TNIK: variants seen among roughly 807,000 people sequenced by gnomAD.
The protein encoded by TNIK is TRAF2 and NCK interacting kinase, also known as TRAF2 and NCK-interacting protein kinase.
TNIK carries 49 observed loss-of-function variants against 191.3 expected under a neutral mutation model. That is an observed-to-expected ratio of 0.26 (90% CI 0.20 to 0.32). The LOEUF is 0.32. Ranked by LOEUF, TNIK falls within the 10% of genes least tolerant of loss-of-function variation. The pLI is 1.00. For synonymous variants in TNIK, 594 were observed against 600.9 expected (o/e 0.99, Z 0.17); for missense variants, 1,155 against 1,702.3 (o/e 0.68, Z 5.66).
intron 1 of TNIK, among the ~76,000 whole-genome samples, chr3:171,438,809 C>T (rs373835196): frequency 1.3e-5 from 2 of 152,052 alleles, no homozygotes; most frequent in African/African-American, 4.8e-5. Context: ...GGTTTCCAGC[C>T]CTGTCCAACC....
chr3:171,253,598 C>A (rs35167769), intron 2 of TNIK, among the ~76,000 whole-genome samples: 8 of 140,388 alleles, frequency 5.7e-5, no homozygotes, highest in South Asian at 2.7e-4. Context: ...GTCCCCCCCC[C>A]ACCCCACCCC....
intron 9 of TNIK, among the ~76,000 whole-genome samples, chr3:171,168,672 G>T (rs1174520033): frequency 6.6e-6 from 1 of 152,076 alleles, no homozygotes. Context: ...GCTTGGGGTT[G>T]CCCCAGGATG....
chr3:171,307,630 G>A lies in TNIK; in HGVS notation c.123+61990C>T, dbSNP rs114162924. ...ATTCAGCCTTCATTTTCAAAACTGC[G>A]TATAAGCCTATTTATCCTGGAAAAA... On this transcript the variant is annotated intron_variant, in intron 2 of 32. Coordinates refer to ENST00000436636, the MANE Select transcript of TNIK (RefSeq NM_015028.4). Among the ~76,000 whole-genome samples, 943 of 152,130 alleles carry A rather than the reference G, an allele frequency of 6.2e-3. 18 individuals carry two copies. Among genetic ancestry groups the A allele is most frequent in the African/African-American group, 0.021 (891 of 41,524 alleles).
At chr3:171,388,556 C>T (rs191125191) in intron 1 of TNIK, among the ~76,000 whole-genome samples, 1 of 152,304 alleles carries the variant, frequency 6.6e-6, no homozygotes, top group Non-Finnish European at 1.5e-5. Flanking sequence ...TGGGGATGAA[C>T]TGTGTCTCCC....
chr3:171,101,040 T>C (rs1576805511), intron 22 of TNIK, among the ~76,000 whole-genome samples: 1 of 152,000 alleles, frequency 6.6e-6, no homozygotes, highest in African/African-American at 2.4e-5. Context: ...GTGGCAGTGG[T>C]GGTAATGAAA....
chr3:171,278,552 G>C (rs1206248242), intron 2 of TNIK, among the ~76,000 whole-genome samples: 1 of 152,080 alleles, frequency 6.6e-6, no homozygotes, highest in Non-Finnish European at 1.5e-5. Context: ...CCATGACCTT[G>C]GTCTTTCTCA....
rs140952028 is a variant in TNIK, at chr3:171,451,939, CT to C, written c.57+8067del. Among the ~76,000 whole-genome samples the C allele has an allele frequency of 4.1e-3, 630 of 152,310 alleles. 6 individuals carry two copies. The highest frequency in any genetic ancestry group is 0.014 in the African/African-American group (598 of 41,566). On this transcript the variant is annotated intron_variant, in intron 1 of 32. Coordinates refer to ENST00000436636, the MANE Select transcript of TNIK (RefSeq NM_015028.4). ...ATTTACCCTGCACCCAAACTTGCAC[CT>C]TCTAATACACTAATCAAACAAATGT...
intron 1 of TNIK, among the ~76,000 whole-genome samples, chr3:171,446,615 G>T (rs1260796861): frequency 6.6e-6 from 1 of 152,066 alleles, no homozygotes; most frequent in Non-Finnish European, 1.5e-5. Context: ...TTACTCTGGT[G>T]GTTTCCTGTT....
intron 12 of TNIK, among the ~76,000 whole-genome samples, chr3:171,147,969 A>G (rs749057271): frequency 2.6e-5 from 4 of 152,108 alleles, no homozygotes; most frequent in Non-Finnish European, 5.9e-5. Flanking sequence ...CTTGTTACCT[A>G]CCTTAACTTG....
At chr3:171,377,591 C>T (rs1223901890) in intron 1 of TNIK, among the ~76,000 whole-genome samples, 1 of 152,128 alleles carries the variant, frequency 6.6e-6, no homozygotes, top group Non-Finnish European at 1.5e-5. Context: ...CTTATGCAAC[C>T]TGAGAAATAG....
intron 1 of TNIK, among the ~76,000 whole-genome samples, chr3:171,420,221 A>C (rs1053143964): frequency 2.6e-5 from 4 of 152,316 alleles, no homozygotes; most frequent in Admixed American, 2.0e-4. Flanking sequence ...TATGCAGAAG[A>C]AACAGAGTTG....
At chr3:171,259,420 T>C (rs1747317362) in intron 2 of TNIK, among the ~76,000 whole-genome samples, 1 of 152,176 alleles carries the variant, frequency 6.6e-6, no homozygotes, top group African/African-American at 2.4e-5. Flanking sequence ...CTCTGCCTGG[T>C]GGCCTAGAAG....
chr3:171,240,896 T>C (rs2109036759), intron 2 of TNIK, among the ~76,000 whole-genome samples: 1 of 152,358 alleles, frequency 6.6e-6, no homozygotes. Context: ...CTTCTCTTTG[T>C]CTTGTTCACT....
At chr3:171,087,599 C>T (rs1275539055) in intron 23 of TNIK, 93 bp from the exon 24 acceptor site, 16 of 1,353,500 alleles carry the variant, frequency 1.2e-5, no homozygotes, top group Non-Finnish European at 1.5e-5. Flanking sequence ...ATACGGGGCT[C>T]CAAATCAACC....
chr3:171,090,427 C>CTTTTTTTTTTTTT (rs375076101), intron 23 of TNIK, among the ~76,000 whole-genome samples: 2 of 140,350 alleles, frequency 1.4e-5, no homozygotes, highest in African/African-American at 2.6e-5. Context: ...TTCTTTCTTT[C>CTTTTTTTTTTTTT]TTTTTTTTTT....
intron 2 of TNIK, among the ~76,000 whole-genome samples, chr3:171,305,046 C>T (rs1006663666): frequency 1.0e-5 from 1 of 99,316 alleles, no homozygotes; most frequent in African/African-American, 3.5e-5. Flanking sequence ...ATCTCTGCCA[C>T]AGGGAAAAAA....
intron 3 of TNIK, among the ~76,000 whole-genome samples, chr3:171,220,177 G>T (rs1477015609): frequency 6.6e-6 from 1 of 152,100 alleles, no homozygotes; most frequent in Non-Finnish European, 1.5e-5. Flanking sequence ...TCACTCATAA[G>T]CGGGAGTTGA....
At chr3:171,347,156 C>T in intron 2 of TNIK, 1 of 1,517,882 alleles carries the variant, frequency 6.6e-7, no homozygotes, top group Non-Finnish European at 8.8e-7. Context: ...GAGATGATGT[C>T]ATGGGTGACT....
intron 7 of TNIK, among the ~76,000 whole-genome samples, chr3:171,182,076 T>A (rs973701967): frequency 1.3e-5 from 2 of 151,368 alleles, no homozygotes; most frequent in African/African-American, 4.8e-5. Context: ...AAAGGTCATA[T>A]CACCACAAAT....
Sources: gnomAD v4.1 joint callset for allele counts (sites outside exome capture counted in the v4.1 genomes callset) on GRCh38, gnomAD v4.1.1 for gene constraint, MANE v1.5 for transcripts, NCBI Gene and HGNC (gene_info 2026-07-23, HGNC 2026-07-21) for gene names.